The following SCN11A variants were observed in gnomAD, a reference collection of about 807,000 sequenced individuals.
SCN11A encodes the protein sodium voltage-gated channel alpha subunit 11.
Under a neutral mutation model 162.2 loss-of-function variants are expected in SCN11A, and 122 were observed. That is an observed-to-expected ratio of 0.75 (90% CI 0.65 to 0.87). SCN11A has a LOEUF of 0.87. Among genes scored for constraint, SCN11A ranks in the 40% least tolerant of loss-of-function variants. The pLI, the probability that SCN11A is intolerant of heterozygous loss-of-function variation, is 0.00. For missense variants in SCN11A, 2,015 were observed against 2,181.6 expected (o/e 0.92, Z 1.52); for synonymous variants, 758 against 751.5 (o/e 1.01, Z -0.14).
At chr3:38,847,765 A>G (rs138289320) in intron 29 of SCN11A, 23 bp from the exon 30 acceptor site, 18 of 1,490,232 alleles carry the variant, frequency 1.2e-5, no homozygotes, top group African/African-American at 7.0e-5. Context: ...AGAAAAGTAA[A>G]TAAGTTTCCA....
Position 38,894,602 on chromosome 3 carries a change from C to T in SCN11A, c.2766G>A (p.Glu922=). 1 of 1,614,082 alleles carries T rather than the reference C, an allele frequency of 6.2e-7. No homozygotes were observed. The highest frequency in any genetic ancestry group is 8.5e-7 in the Non-Finnish European group (1 of 1,179,986). The change falls in exon 19 of 30, where the codon GAG becomes GAA. Residue 922 remains glutamate, a synonymous_variant. Coordinates refer to ENST00000302328, the MANE Select transcript of SCN11A (RefSeq NM_001349253.2). ...CACCAGAAAATTCAACGTCATCTTC[C>T]TCCTCCGCAAGTGGTGCCAACCAAG... ...DWTWLAPLAE[E]EDDVEFSGED... is the part of the protein sequence containing the mutation.
At chr3:38,908,783 C>T (rs1483142921) in intron 13 of SCN11A, among the ~76,000 whole-genome samples, 3 of 152,114 alleles carry the variant, frequency 2.0e-5, no homozygotes, top group Non-Finnish European at 4.4e-5. Context: ...CAAGACCAAG[C>T]GTTCCCCGTT....
intron 16 of SCN11A, among the ~76,000 whole-genome samples, chr3:38,901,864 T>C (rs369095204): frequency 6.6e-6 from 1 of 152,204 alleles, no homozygotes; most frequent in Non-Finnish European, 1.5e-5. Context: ...GCTGCCTGTG[T>C]ACTTGGAAAA....
chr3:38,953,055 T>TTG (rs1559554170), intron 4 of SCN11A, among the ~76,000 whole-genome samples: 1 of 151,950 alleles, frequency 6.6e-6, no homozygotes, highest in Non-Finnish European at 1.5e-5. Context: ...TTTGTTTTTT[T>TTG]TTGTTGTTGT....
chr3:38,991,810 T>A (rs911106382), intron 2 of SCN11A, among the ~76,000 whole-genome samples: 1 of 152,170 alleles, frequency 6.6e-6, no homozygotes, highest in Non-Finnish European at 1.5e-5. Context: ...TTATTTATTT[T>A]ATTGTATTTT....
At chr3:38,884,276 A>G (rs2065358814) in intron 21 of SCN11A, among the ~76,000 whole-genome samples, 1 of 151,944 alleles carries the variant, frequency 6.6e-6, no homozygotes, top group Non-Finnish European at 1.5e-5. Context: ...TTTCTTTCTC[A>G]TCTCCACTGT....
rs2066521029 is a variant in SCN11A at position 38,946,659 on chromosome 3, A to C, written c.386+130T>G. ...CACATCCAGCACAGTCCCTGCCTGC[A>C]GCAGTAGGCACTCAGCCAGTATTTG... On this transcript the variant is annotated intron_variant, in intron 6 of 29. Transcript: ENST00000302328. 3 of 688,200 alleles carry C rather than the reference A, an allele frequency of 4.4e-6. No homozygotes were observed. In the East Asian group the frequency reaches 7.6e-5, roughly 17 times the overall value. 42.6% of individuals were successfully genotyped at this position (688,200 alleles called of 1,614,324 possible).
At chr3:38,857,255 ACAATACAAGAT>A (rs1477875779) in intron 28 of SCN11A, among the ~76,000 whole-genome samples, 1 of 152,114 alleles carries the variant, frequency 6.6e-6, no homozygotes. Flanking sequence ...AATTTAAACA[ACAATACAAGAT>A]ATGGATAAGA....
chr3:38,950,078 C>CCCCCCCCCCCCCCCCCCCCCACCCCCCG lies in SCN11A; in HGVS notation c.267+17_267+18insCGGGGGGTGGGGGGGGGGGGGGGGGGGG, dbSNP rs1553644472. Reference sequence around the variant, plus strand: ...GAACACCCCCACCCCCACCCCCCCCCCCCGCCCAATGAAGTACCTTATGAT... The same window carrying CCCCCCCCCCCCCCCCCCCCCACCCCCCG: ...GAACACCCCCACCCCCACCCCCCCCCCCCCCCCCCCCCCCCCCCCCACCCCCCGCCCGCCCAATGAAGTACCTTATGAT... On this transcript the variant is annotated intron_variant, in intron 5 of 29. Transcript: ENST00000302328. The CCCCCCCCCCCCCCCCCCCCCACCCCCCG allele has an allele frequency of 7.1e-6, 1 of 139,972 alleles. No individual in the cohort carries two copies. Among genetic ancestry groups the CCCCCCCCCCCCCCCCCCCCCACCCCCCG allele is most frequent in the African/African-American group, 3.6e-5 (1 of 27,718 alleles). 8.7% of individuals were successfully genotyped at this position (139,972 alleles called of 1,614,324 possible). A position where few individuals can be genotyped will look rare whatever the true frequency, so the allele number is the denominator to read the frequency against.
chr3:38,919,799 C>A, intron 11 of SCN11A, 136 bp downstream of exon 11: 1 of 675,864 alleles, frequency 1.5e-6, no homozygotes, highest in South Asian at 1.9e-5. Flanking sequence ...CAAGTCTAAA[C>A]ATGTTTAGAC....
chr3:38,908,435 A>G (rs2125536417), intron 13 of SCN11A, among the ~76,000 whole-genome samples: 1 of 152,316 alleles, frequency 6.6e-6, no homozygotes, highest in Non-Finnish European at 1.5e-5. Flanking sequence ...GATGTTAAGC[A>G]CTTACGATGG....
rs535155498 is a variant in SCN11A, at chr3:38,920,116, T to C, written c.893-115A>G. Reference sequence around the variant, plus strand: ...GATGTTTCTACATCTTCTAAAATGATTAAAGGAGGTGTGTCCAGAGAGAAA... The same window carrying C: ...GATGTTTCTACATCTTCTAAAATGACTAAAGGAGGTGTGTCCAGAGAGAAA... On this transcript the variant is annotated intron_variant, in intron 10 of 29. Transcript: ENST00000302328. 1,292 of 776,544 alleles carry C rather than the reference T, an allele frequency of 1.7e-3. 27 individuals carry two copies. The South Asian group carries it at 0.021, about 13-fold the overall frequency. 48.1% of individuals were successfully genotyped at this position (776,544 alleles called of 1,614,324 possible).
Position 38,946,838 on chromosome 3 carries a change from C to CA in SCN11A, c.336dup (p.Gly113TrpfsTer12), listed in dbSNP as rs780082897. 7 of 1,613,828 alleles carry CA rather than the reference C, an allele frequency of 4.3e-6. No homozygotes were observed. Among genetic ancestry groups the CA allele is most frequent in the Non-Finnish European group, 5.9e-6 (7 of 1,179,916 alleles). On this transcript the variant is annotated frameshift_variant, in exon 6 of 30. Coordinates refer to ENST00000302328, the MANE Select transcript of SCN11A (RefSeq NM_001349253.2). LOFTEE classifies it high-confidence loss of function. ...AAACTTCTGATTGAATTGAAAGGCCCAAAAATGAACAAGGCATGCTTGGCA... is the reference window on the plus strand; with the variant it reads ...AAACTTCTGATTGAATTGAAAGGCCCAAAAAATGAACAAGGCATGCTTGGCA...
intron 23 of SCN11A, among the ~76,000 whole-genome samples, chr3:38,877,958 G>A (rs1410873278): frequency 1.3e-5 from 2 of 151,454 alleles, no homozygotes; most frequent in African/African-American, 4.9e-5. Flanking sequence ...TTACTCATAA[G>A]AGAGACCTAA....
At chr3:38,970,994 G>A (rs979801104) in intron 2 of SCN11A, among the ~76,000 whole-genome samples, 2 of 152,118 alleles carry the variant, frequency 1.3e-5, no homozygotes, top group Admixed American at 1.3e-4. Context: ...GAGCCCCAGT[G>A]GAGGGTCCAG....
intron 2 of SCN11A, among the ~76,000 whole-genome samples, chr3:39,014,550 A>G (rs182400832): frequency 6.1e-4 from 93 of 152,330 alleles, no homozygotes; most frequent in Middle Eastern, 3.4e-3. Flanking sequence ...TATGTCTGCC[A>G]TAATTGAGTC....
At chr3:38,867,836 G>C (rs1402942175) in intron 26 of SCN11A, among the ~76,000 whole-genome samples, 1 of 152,166 alleles carries the variant, frequency 6.6e-6, no homozygotes, top group African/African-American at 2.4e-5. Context: ...CAGAGGAGGG[G>C]CACGTTCACC....
At chr3:38,950,032 C>G in intron 5 of SCN11A, 64 bp downstream of exon 5, 1 of 901,318 alleles carries the variant, frequency 1.1e-6, no homozygotes, top group Non-Finnish European at 1.7e-6. Flanking sequence ...ACCTGTAACA[C>G]CAGTTACAAC....
At chr3:38,945,166 T>C (rs1208025684) in intron 7 of SCN11A, among the ~76,000 whole-genome samples, 2 of 152,164 alleles carry the variant, frequency 1.3e-5, no homozygotes, top group African/African-American at 4.8e-5. Context: ...TAAAATATTA[T>C]ATAACCATCA....
Sources: allele counts gnomAD v4.1 joint callset (sites outside exome capture counted in the v4.1 genomes callset), GRCh38; gene constraint gnomAD v4.1.1; transcripts MANE v1.5; gene names NCBI Gene and HGNC (gene_info 2026-07-23, HGNC 2026-07-21).